Variants in LRCH1 observed in about 807,000 individuals in gnomAD.
LRCH1 encodes leucine rich repeats and calponin homology domain containing 1.
LRCH1 carries 23 observed loss-of-function variants against 94.9 expected under a neutral mutation model. The ratio of observed to expected loss-of-function variants is 0.24; its 90% CI spans 0.17 to 0.34. The LOEUF (loss-of-function observed/expected upper bound fraction) is 0.34, where lower values mean the gene tolerates loss of function less well. Among genes scored for constraint, LRCH1 ranks in the 10% least tolerant of loss-of-function variants. The pLI is 1.00. For missense variants in LRCH1, 790 were observed against 945.9 expected, an observed-to-expected ratio of 0.84 and a Z score of 2.16; for synonymous variants, 364 against 354.9, an observed-to-expected ratio of 1.03 and a Z score of -0.29.
At chr13:46,667,323 G>A (rs556680652) in intron 2 of LRCH1, among the ~76,000 whole-genome samples, 2 of 152,286 alleles carry the variant, frequency 1.3e-5, no homozygotes, top group South Asian at 4.1e-4. Flanking sequence ...ATCAGGTAGA[G>A]CTGCCCTTCA....
At chr13:46,731,731 C>T (rs777202628) in intron 18 of LRCH1, among the ~76,000 whole-genome samples, 3 of 152,180 alleles carry the variant, frequency 2.0e-5, no homozygotes, top group Non-Finnish European at 2.9e-5. Flanking sequence ...AACCTGCTTT[C>T]CTTCTTTCTT....
At chr13:46,618,669 G>A (rs1198339751) in intron 1 of LRCH1, among the ~76,000 whole-genome samples, 1 of 152,162 alleles carries the variant, frequency 6.6e-6, no homozygotes, top group Non-Finnish European at 1.5e-5. Context: ...GCTCTCAATG[G>A]GCATTTCTTT....
At chr13:46,619,084 CTTCCTTCCTTCCTTCCTTCCTTCCTTCCT>C (rs1380037385) in intron 1 of LRCH1, among the ~76,000 whole-genome samples, 2 of 61,464 alleles carry the variant, frequency 3.3e-5, no homozygotes, top group East Asian at 3.9e-4. Context: ...TCCTTCCTTC[CTTCCTTCCTTCCTTCCTTCCTTCCTTCCT>C]TTTTTTTGGT....
At chr13:46,712,708 G>A (rs1194031317) in intron 15 of LRCH1, 111 bp downstream of exon 15, 10 of 984,038 alleles carry the variant, frequency 1.0e-5, no homozygotes, top group Admixed American at 2.0e-5. Flanking sequence ...CTGCTGAGCC[G>A]AAATCCTGGC....
chr13:46,684,446 T>C (rs575766547), intron 4 of LRCH1, among the ~76,000 whole-genome samples: 1 of 152,326 alleles, frequency 6.6e-6, no homozygotes, highest in East Asian at 1.9e-4. Flanking sequence ...ATGTTTTCCA[T>C]GAACTTAGCC....
In LRCH1 at chr13:46,741,635, G is replaced by C; in HGVS notation, c.2086-7G>C. On this transcript the variant is annotated splice_region_variant and splice_polypyrimidine_tract_variant and intron_variant, in intron 19 of 19. Coordinates refer to ENST00000389797, the MANE Select transcript of LRCH1 (RefSeq NM_001164211.2). ...TCTTTCTGTTCTAATGGCTGCCCTC[G>C]GAATAGGCTGACCTCTGCTCTCCGT... 6.2e-7 allele frequency: 1 copy of C among 1,613,956 alleles called. No homozygotes were observed. Among genetic ancestry groups the C allele is most frequent in the Non-Finnish European group, 8.5e-7 (1 of 1,179,924 alleles).
intron 1 of LRCH1, among the ~76,000 whole-genome samples, chr13:46,575,856 G>A (rs2050298920): frequency 1.3e-5 from 2 of 152,144 alleles, no homozygotes; most frequent in African/African-American, 2.4e-5. Context: ...AATGAAGCAG[G>A]CTCCTGAGTC....
chr13:46,583,882 T>G (rs2050401283), intron 1 of LRCH1, among the ~76,000 whole-genome samples: 1 of 151,982 alleles, frequency 6.6e-6, no homozygotes, highest in Non-Finnish European at 1.5e-5. Flanking sequence ...TGCCTCAGCC[T>G]CCCAAGTAGC....
chr13:46,752,165 C>G (rs998811119), exon 19 of LRCH1: 8 of 152,330 alleles, frequency 5.3e-5, no homozygotes, highest in African/African-American at 1.9e-4. Context: ...AACACGGCAG[C>G]CTTCTGCAGG....
At chr13:46,735,131 T>A (rs552325619) in intron 19 of LRCH1, among the ~76,000 whole-genome samples, 1 of 135,406 alleles carries the variant, frequency 7.4e-6, no homozygotes, top group South Asian at 2.5e-4. Context: ...ACAAGGAAGC[T>A]TACAAATTTA....
intron 1 of LRCH1, among the ~76,000 whole-genome samples, chr13:46,642,132 G>C (rs1370393328): frequency 6.6e-6 from 1 of 152,244 alleles, no homozygotes; most frequent in Non-Finnish European, 1.5e-5. Flanking sequence ...CTAAAGACAT[G>C]TGCTCTTCTT....
At position 46,661,676 on chromosome 13, in the gene LRCH1, GA is replaced by G. The variant is rs549584856; in HGVS notation, c.453-7348del. On this transcript the variant is annotated intron_variant, in intron 2 of 19. Transcript: ENST00000389797. ...TTCATTTCCTTGGAGGGATGAGTAGGAAAAAAGGATGTACGTACACTAATAT... is the reference window on the plus strand; with the variant it reads ...TTCATTTCCTTGGAGGGATGAGTAGGAAAAAGGATGTACGTACACTAATAT... Among the ~76,000 whole-genome samples, 23 of 152,170 alleles carry G rather than the reference GA, an allele frequency of 1.5e-4. No individual in the cohort carries two copies. In the East Asian group the frequency reaches 4.4e-3, roughly 29 times the overall value.
rs1873818895 is a variant in LRCH1, at chr13:46,744,412, T to C, written c.*2564T>C. 2 of 985,230 alleles carry C rather than the reference T, an allele frequency of 2.0e-6. No individual in the cohort carries two copies. The highest frequency in any genetic ancestry group is 2.4e-6 in the Non-Finnish European group (2 of 829,936). 61.0% of individuals were successfully genotyped at this position (985,230 alleles called of 1,614,324 possible). On this transcript the variant is annotated 3_prime_UTR_variant, in exon 20 of 20. Coordinates refer to ENST00000389797, the MANE Select transcript of LRCH1 (RefSeq NM_001164211.2). ...CAGTTTCTCCAACTGGTGGCAACTC[T>C]CCACTCAGTGTCAGGAATTCCAAAA...
intron 3 of LRCH1, among the ~76,000 whole-genome samples, chr13:46,670,006 A>G (rs2051576298): frequency 6.6e-6 from 1 of 152,040 alleles, no homozygotes; most frequent in Admixed American, 6.6e-5. Flanking sequence ...TTTTGTGCCA[A>G]CTCCTCTGGG....
At chr13:46,715,534 G>A (rs774340105) in intron 15 of LRCH1, 26 bp from the exon 16 acceptor site, 12 of 1,376,188 alleles carry the variant, frequency 8.7e-6, no homozygotes, top group African/African-American at 5.7e-5. Flanking sequence ...AACTGTACGC[G>A]GACTGGCTCT....
chr13:46,740,984 C>T (rs1337356132), intron 19 of LRCH1, among the ~76,000 whole-genome samples: 1 of 152,130 alleles, frequency 6.6e-6, no homozygotes, highest in Non-Finnish European at 1.5e-5. Flanking sequence ...TACTTTTACT[C>T]TCTACTCTCA....
intron 1 of LRCH1, among the ~76,000 whole-genome samples, chr13:46,600,409 C>T (rs546491349): frequency 2.2e-4 from 33 of 152,110 alleles, no homozygotes; most frequent in Non-Finnish European, 3.7e-4. Flanking sequence ...GACTGTGAAC[C>T]GTATGGTCAG....
At chr13:46,700,622 C>T (rs1871413692) in intron 10 of LRCH1, among the ~76,000 whole-genome samples, 1 of 152,132 alleles carries the variant, frequency 6.6e-6, no homozygotes, top group Non-Finnish European at 1.5e-5. Flanking sequence ...ACATATAGGG[C>T]CTGGCATGTT....
chr13:46,661,394 A>G (rs1246195216), intron 2 of LRCH1, among the ~76,000 whole-genome samples: 1 of 152,214 alleles, frequency 6.6e-6, no homozygotes, highest in East Asian at 1.9e-4. Context: ...TCCCTTATAT[A>G]TATTAGCCAA....
Sources: allele counts gnomAD v4.1 joint callset (sites outside exome capture counted in the v4.1 genomes callset), GRCh38; gene constraint gnomAD v4.1.1; transcripts MANE v1.5; gene names NCBI Gene and HGNC (gene_info 2026-07-23, HGNC 2026-07-21).